Variants in HEPHL1 observed in about 807,000 individuals in gnomAD.
HEPHL1 encodes the protein hephaestin like 1.
A neutral mutation model predicts 122.0 loss-of-function variants in HEPHL1; 123 were observed. The ratio of observed to expected loss-of-function variants is 1.01; its 90% CI spans 0.87 to 1.17. The LOEUF (loss-of-function observed/expected upper bound fraction) is 1.17, where lower values mean the gene tolerates loss of function less well. Among genes scored for constraint, HEPHL1 ranks in the 50% most tolerant of loss-of-function variants. The pLI is 0.00. For synonymous variants in HEPHL1, 527 were observed against 508.9 expected (o/e 1.04, Z -0.48); for missense variants, 1,452 against 1,430.5 (o/e 1.01, Z -0.24).
At chr11:94,037,594 C>T (rs1275095240) in intron 1 of HEPHL1, among the ~76,000 whole-genome samples, 1 of 152,178 alleles carries the variant, frequency 6.6e-6, no homozygotes, top group Admixed American at 6.5e-5. Flanking sequence ...GGGAGGCACC[C>T]CCCCAACAGG....
Position 94,036,936 on chromosome 11 carries a change from T to G in HEPHL1, c.171-8737T>G, listed in dbSNP as rs578174964. On this transcript the variant is annotated intron_variant, in intron 1 of 19. Transcript: ENST00000315765. ...TGAGCGACACAGAAGACGGGTGATT[T>G]CTGCATTTCCATCTGAGGTACAGGG... 2.4e-4 allele frequency among the ~76,000 whole-genome samples: 36 copies of G among 152,036 alleles called. No homozygotes were observed. The East Asian group carries it at 7.0e-3, about 29-fold the overall frequency.
chr11:94,039,382 C>T (rs1397154644), intron 1 of HEPHL1, among the ~76,000 whole-genome samples: 5 of 152,164 alleles, frequency 3.3e-5, no homozygotes, highest in Non-Finnish European at 5.9e-5. Context: ...TAATTGACAT[C>T]TACAGAACTC....
chr11:94,070,490 G>T lies in HEPHL1; in HGVS notation c.1180G>T (p.Ala394Ser). ...IAAEKILWDY[A>S]PQGYNKFSGL... is the part of the protein sequence containing the mutation. ...AGCTGAAAAAATTCTTTGGGATTAT[G>T]CTCCTCAAGGCTATAACAAATTCAG... Residue 394 changes from alanine (A) to serine (S), a missense_variant, in exon 6 of 20, where the codon GCT becomes TCT. Transcript: ENST00000315765. 1 of 1,611,152 alleles carries T rather than the reference G, an allele frequency of 6.2e-7. No individual in the cohort carries two copies. Among genetic ancestry groups the T allele is most frequent in the Non-Finnish European group, 8.5e-7 (1 of 1,178,584 alleles).
chr11:94,098,372 T>C (rs1208362272), intron 13 of HEPHL1, among the ~76,000 whole-genome samples: 1 of 152,254 alleles, frequency 6.6e-6, no homozygotes, highest in African/African-American at 2.4e-5. Context: ...GAGTTTCTGC[T>C]GAGAGATCCG....
intron 9 of HEPHL1, among the ~76,000 whole-genome samples, chr11:94,076,880 T>C (rs1291097425): frequency 6.6e-6 from 1 of 152,154 alleles, no homozygotes; most frequent in Non-Finnish European, 1.5e-5. Context: ...CTAACACCCC[T>C]AGTCCTCCAC....
chr11:94,098,891 G>T (rs1946343038), intron 13 of HEPHL1, among the ~76,000 whole-genome samples: 1 of 152,076 alleles, frequency 6.6e-6, no homozygotes, highest in Admixed American at 6.5e-5. Flanking sequence ...TCTCTACACT[G>T]GTTATTCTAG....
At chr11:94,086,710 T>C (rs576518947) in intron 11 of HEPHL1, among the ~76,000 whole-genome samples, 166 of 152,322 alleles carry the variant, frequency 1.1e-3, no homozygotes, top group African/African-American at 3.2e-3. Context: ...CAGGGCAAGC[T>C]GCATTGGATC....
intron 8 of HEPHL1, among the ~76,000 whole-genome samples, chr11:94,073,867 G>A (rs920198151): frequency 2.4e-4 from 36 of 152,044 alleles, no homozygotes; most frequent in African/African-American, 8.7e-4. Flanking sequence ...TCTTACACAT[G>A]GTCTTTGCTC....
At chr11:94,081,805 T>C (rs1272157368) in intron 9 of HEPHL1, among the ~76,000 whole-genome samples, 1 of 152,054 alleles carries the variant, frequency 6.6e-6, no homozygotes, top group Non-Finnish European at 1.5e-5. Context: ...ATAAATAAAA[T>C]AGTTTCAGGT....
At chr11:94,059,759 A>G (rs1435127089) in intron 2 of HEPHL1, among the ~76,000 whole-genome samples, 1 of 152,090 alleles carries the variant, frequency 6.6e-6, no homozygotes, top group East Asian at 1.9e-4. Flanking sequence ...GTGGTGGCAC[A>G]AAGGCTCTGT....
At chr11:94,029,029 G>A (rs1591459489) in intron 1 of HEPHL1, among the ~76,000 whole-genome samples, 1 of 152,148 alleles carries the variant, frequency 6.6e-6, no homozygotes, top group East Asian at 1.9e-4. Flanking sequence ...GGATCTCACT[G>A]TATTGCCCAG....
chr11:94,022,726 C>T (rs1186245003), intron 1 of HEPHL1, among the ~76,000 whole-genome samples: 1 of 152,190 alleles, frequency 6.6e-6, no homozygotes, highest in Non-Finnish European at 1.5e-5. Flanking sequence ...TTCAATCCCA[C>T]ATCTGCTGAC....
At chr11:94,077,083 G>GT (rs2134436177) in intron 9 of HEPHL1, among the ~76,000 whole-genome samples, 1 of 152,158 alleles carries the variant, frequency 6.6e-6, no homozygotes, top group African/African-American at 2.4e-5. Context: ...ATCTCTCTTT[G>GT]TTTTTATGGG....
intron 16 of HEPHL1, among the ~76,000 whole-genome samples, chr11:94,105,008 G>A (rs1946397863): frequency 1.3e-5 from 2 of 152,160 alleles, no homozygotes; most frequent in Admixed American, 6.5e-5. Flanking sequence ...CTCTAAGACT[G>A]TAAAGTAATT....
intron 10 of HEPHL1, among the ~76,000 whole-genome samples, chr11:94,083,431 T>C (rs1946189466): frequency 6.6e-6 from 1 of 152,226 alleles, no homozygotes; most frequent in Non-Finnish European, 1.5e-5. Context: ...AGGATGTCAT[T>C]ACTCTTAGGC....
chr11:94,054,703 C>A (rs1402017531), intron 2 of HEPHL1, among the ~76,000 whole-genome samples: 1 of 152,230 alleles, frequency 6.6e-6, no homozygotes, highest in Non-Finnish European at 1.5e-5. Flanking sequence ...CCATCACACA[C>A]ATTGCCCTAC....
At chr11:94,110,831 G>T in intron 17 of HEPHL1, 72 bp from the exon 18 acceptor site, 31 of 1,213,620 alleles carry the variant, frequency 2.6e-5, no homozygotes, top group Non-Finnish European at 2.6e-5. Context: ...ATTTGTTTTT[G>T]CTCTTCTTTC....
chr11:94,053,524 T>A (rs1945909366), intron 2 of HEPHL1, among the ~76,000 whole-genome samples: 2 of 152,242 alleles, frequency 1.3e-5, no homozygotes, highest in South Asian at 4.1e-4. Context: ...CCTTTTCTAG[T>A]TTCTTAAGAT....
intron 1 of HEPHL1, among the ~76,000 whole-genome samples, chr11:94,028,256 A>G (rs1173534677): frequency 6.6e-6 from 1 of 152,174 alleles, no homozygotes; most frequent in Non-Finnish European, 1.5e-5. Context: ...AGATTAATAC[A>G]TCTTGGCCCC....
Sources: allele counts gnomAD v4.1 joint callset (sites outside exome capture counted in the v4.1 genomes callset), GRCh38; gene constraint gnomAD v4.1.1; transcripts MANE v1.5; gene names NCBI Gene and HGNC (gene_info 2026-07-23, HGNC 2026-07-21).